The following GPC6 variants were observed in gnomAD, a reference collection of about 807,000 sequenced individuals.
GPC6 encodes the protein glypican 6, also known as glypican-6.
A neutral mutation model predicts 55.2 loss-of-function variants in GPC6; 14 were observed. That is an observed-to-expected ratio of 0.25 (90% confidence interval 0.17 to 0.40). GPC6 has a LOEUF of 0.40. Among genes scored for constraint, GPC6 ranks in the 10% least tolerant of loss-of-function variants. The pLI is 1.00. For missense variants in GPC6, 641 were observed against 708.5 expected (o/e 0.90, Z 1.08); for synonymous variants, 278 against 259.6 (o/e 1.07, Z -0.68).
chr13:93,319,524 G>A (rs1594093793), intron 1 of GPC6, among the ~76,000 whole-genome samples: 1 of 152,116 alleles, frequency 6.6e-6, no homozygotes, highest in African/African-American at 2.4e-5. Context: ...GACCTTGTGA[G>A]AACTAAAACT....
At chr13:93,280,599 C>T (rs1352997495) in intron 1 of GPC6, among the ~76,000 whole-genome samples, 2 of 152,176 alleles carry the variant, frequency 1.3e-5, no homozygotes, top group African/African-American at 2.4e-5. Flanking sequence ...ATTGTGCATG[C>T]CTAACAAGGT....
chr13:93,405,998 G>C (rs930742826), intron 1 of GPC6, among the ~76,000 whole-genome samples: 1 of 151,658 alleles, frequency 6.6e-6, no homozygotes, highest in Non-Finnish European at 1.5e-5. Flanking sequence ...ATTGCCTGCA[G>C]TGTTAGCACA....
chr13:93,314,208 T>A (rs1879166071), intron 1 of GPC6, among the ~76,000 whole-genome samples: 1 of 152,134 alleles, frequency 6.6e-6, no homozygotes, highest in Non-Finnish European at 1.5e-5. Context: ...TTTTTCTCAA[T>A]AATTTCTTTT....
intron 2 of GPC6, among the ~76,000 whole-genome samples, chr13:93,620,159 A>T (rs1878891161): frequency 6.6e-6 from 1 of 152,170 alleles, no homozygotes; most frequent in Non-Finnish European, 1.5e-5. Context: ...ATCGTTTAGT[A>T]AGATGTTCTC....
intron 1 of GPC6, among the ~76,000 whole-genome samples, chr13:93,310,546 C>T (rs977358472): frequency 6.6e-6 from 1 of 152,178 alleles, no homozygotes; most frequent in African/African-American, 2.4e-5. Flanking sequence ...TTCTGCATTG[C>T]TCAGAGATGC....
rs556194521 is a variant in GPC6 at position 93,570,740 on chromosome 13, C to T, written c.319+25319C>T. ...GAATTCTGAATTTGCCAACATTGGA[C>T]GCATTTACAAAGAAGCTACATTTGT... is the stretch of plus-strand genomic sequence containing the variant. On this transcript the variant is annotated intron_variant, in intron 2 of 8. Transcript: ENST00000377047. Among the ~76,000 whole-genome samples, 21 of 152,120 alleles carry T rather than the reference C, an allele frequency of 1.4e-4. No homozygotes were observed. In the South Asian group the frequency reaches 2.5e-3, roughly 18 times the overall value.
At chr13:93,354,519 ATT>A (rs775211146) in intron 1 of GPC6, among the ~76,000 whole-genome samples, 12 of 51,722 alleles carry the variant, frequency 2.3e-4, no homozygotes, top group Non-Finnish European at 2.7e-4. Context: ...CTCGGCTATT[ATT>A]TTTTTTTTTT....
chr13:94,041,811 A>G (rs1313040421), intron 4 of GPC6, among the ~76,000 whole-genome samples: 1 of 151,934 alleles, frequency 6.6e-6, no homozygotes, highest in Non-Finnish European at 1.5e-5. Context: ...CGATCTTCCT[A>G]AAGTCAAATT....
At chr13:93,634,314 C>G (rs1670825470) in intron 2 of GPC6, among the ~76,000 whole-genome samples, 1 of 152,182 alleles carries the variant, frequency 6.6e-6, no homozygotes, top group African/African-American at 2.4e-5. Flanking sequence ...ATTCGACCAC[C>G]TCCTGCCTGT....
intron 8 of GPC6, among the ~76,000 whole-genome samples, chr13:94,401,473 G>A (rs1419377211): frequency 6.6e-6 from 1 of 152,138 alleles, no homozygotes; most frequent in East Asian, 1.9e-4. Context: ...AAAGCAAGTT[G>A]GGCAGGAAGG....
rs150285549 is a variant in GPC6 at position 93,534,344 on chromosome 13, A to C, written c.161-10919A>C. ...CGCTCCAGAGCTCTATAAAAGCCAA[A>C]AGTTAGTTGGCTGAAGTCTGTGAAA... On this transcript the variant is annotated intron_variant, in intron 1 of 8. Transcript: ENST00000377047. 4.5e-4 allele frequency among the ~76,000 whole-genome samples: 69 copies of C among 152,280 alleles called. No individual in the cohort carries two copies. The East Asian group carries it at 0.012, about 26-fold the overall frequency.
intron 4 of GPC6, among the ~76,000 whole-genome samples, chr13:94,272,866 C>T (rs1380330879): frequency 1.3e-5 from 2 of 152,062 alleles, no homozygotes; most frequent in East Asian, 1.9e-4. Flanking sequence ...ACTCAGGCCA[C>T]GGTCACAGCT....
chr13:94,146,561 T>G (rs541161661), intron 4 of GPC6, among the ~76,000 whole-genome samples: 5 of 152,244 alleles, frequency 3.3e-5, no homozygotes, highest in African/African-American at 1.2e-4. Flanking sequence ...ATAGCAGTGT[T>G]TTTCAAATCT....
At chr13:94,211,199 A>C (rs1240468415) in intron 4 of GPC6, among the ~76,000 whole-genome samples, 6 of 152,298 alleles carry the variant, frequency 3.9e-5, no homozygotes, top group African/African-American at 1.4e-4. Flanking sequence ...ACAGCCTAGA[A>C]ATATTAGTAA....
intron 3 of GPC6, among the ~76,000 whole-genome samples, chr13:93,932,746 C>T (rs951036133): frequency 6.6e-6 from 1 of 152,020 alleles, no homozygotes; most frequent in Non-Finnish European, 1.5e-5. Flanking sequence ...TTTGCAGTCA[C>T]CTAATCGTGG....
At chr13:94,149,052 C>T (rs1887651355) in intron 4 of GPC6, among the ~76,000 whole-genome samples, 2 of 152,146 alleles carry the variant, frequency 1.3e-5, no homozygotes, top group South Asian at 4.1e-4. Context: ...ACTCGGCTTA[C>T]AGATCCTGGA....
intron 4 of GPC6, among the ~76,000 whole-genome samples, chr13:94,240,025 A>T (rs546241353): frequency 6.6e-6 from 1 of 152,176 alleles, no homozygotes; most frequent in Non-Finnish European, 1.5e-5. Flanking sequence ...GAGAGCTTAA[A>T]CTTGACTCTA....
intron 2 of GPC6, among the ~76,000 whole-genome samples, chr13:93,826,090 C>A (rs1330230877): frequency 6.6e-6 from 1 of 151,888 alleles, no homozygotes; most frequent in Non-Finnish European, 1.5e-5. Context: ...GAACTCCTGA[C>A]CTCAGGTGAT....
At chr13:93,645,787 T>G (rs1880145258) in intron 2 of GPC6, among the ~76,000 whole-genome samples, 1 of 152,136 alleles carries the variant, frequency 6.6e-6, no homozygotes, top group Non-Finnish European at 1.5e-5. Context: ...TATTTTGAAT[T>G]TAGCATTATA....
Sources: gnomAD v4.1 joint callset for allele counts (sites outside exome capture counted in the v4.1 genomes callset) on GRCh38, gnomAD v4.1.1 for gene constraint, MANE v1.5 for transcripts, NCBI Gene and HGNC (gene_info 2026-07-23, HGNC 2026-07-21) for gene names.